ERBB4: variants seen among roughly 807,000 people sequenced by gnomAD.
The protein encoded by ERBB4 is erb-b2 receptor tyrosine kinase 4, also known as receptor tyrosine-protein kinase erbB-4.
In ERBB4, 42 loss-of-function variants were observed where a neutral mutation model predicts 158.0. The observed-to-expected ratio is 0.27, with a 90% CI of 0.21 to 0.34. The LOEUF is 0.34. Ranked by LOEUF, ERBB4 falls within the 10% of genes least tolerant of loss-of-function variation. ERBB4 has a pLI of 1.00. For missense variants in ERBB4, 1,333 were observed against 1,624.1 expected (o/e 0.82, Z 3.08); for synonymous variants, 583 against 558.7 (o/e 1.04, Z -0.61).
intron 2 of ERBB4, among the ~76,000 whole-genome samples, chr2:212,062,111 G>C (rs1345881972): frequency 6.6e-6 from 1 of 152,100 alleles, no homozygotes; most frequent in Non-Finnish European, 1.5e-5. Flanking sequence ...TATTAGATAT[G>C]CTCATTGTGA....
chr2:212,467,491 G>A (rs982907314), intron 1 of ERBB4, among the ~76,000 whole-genome samples: 1 of 152,222 alleles, frequency 6.6e-6, no homozygotes, highest in African/African-American at 2.4e-5. Flanking sequence ...AGCTCAGGCT[G>A]TGACTTCAGA....
intron 6 of ERBB4, among the ~76,000 whole-genome samples, chr2:211,724,101 A>G (rs2074187708): frequency 6.6e-6 from 1 of 152,166 alleles, no homozygotes; most frequent in Admixed American, 6.5e-5. Flanking sequence ...CTTCCATCCT[A>G]CGTCTGATGA....
chr2:211,659,619 C>T (rs948407044), intron 15 of ERBB4, among the ~76,000 whole-genome samples: 1 of 151,808 alleles, frequency 6.6e-6, no homozygotes, highest in African/African-American at 2.4e-5. Flanking sequence ...TTTATAACAA[C>T]CCTTGAAAGA....
chr2:211,585,580 TTTA>T (rs1338100701), intron 19 of ERBB4, among the ~76,000 whole-genome samples: 18 of 152,220 alleles, frequency 1.2e-4, no homozygotes, highest in African/African-American at 4.3e-4. Flanking sequence ...ATTAAATCAG[TTTA>T]TTAACTTCAA....
At chr2:211,936,276 T>C (rs957629636) in intron 3 of ERBB4, among the ~76,000 whole-genome samples, 4 of 151,980 alleles carry the variant, frequency 2.6e-5, no homozygotes, top group Admixed American at 2.0e-4. Context: ...TATTTCATAG[T>C]AAATTGAAAA....
At chr2:211,449,625 A>G (rs541568098) in intron 20 of ERBB4, among the ~76,000 whole-genome samples, 22 of 152,336 alleles carry the variant, frequency 1.4e-4, no homozygotes, top group Admixed American at 5.2e-4. Context: ...ATTAATATGT[A>G]TCATGTATTA....
intron 2 of ERBB4, among the ~76,000 whole-genome samples, chr2:212,090,783 A>C (rs776019989): frequency 1.3e-5 from 2 of 152,186 alleles, no homozygotes; most frequent in African/African-American, 4.8e-5. Flanking sequence ...CAGCTAACTG[A>C]TGATTAAAAC....
At chr2:211,394,976 A>C (rs73985423) in intron 25 of ERBB4, among the ~76,000 whole-genome samples, 1,900 of 152,222 alleles carry the variant, frequency 0.012, 38 homozygotes, top group African/African-American at 0.044. Context: ...ATAGGGGTAT[A>C]GGACAAGTAA....
intron 2 of ERBB4, among the ~76,000 whole-genome samples, chr2:212,113,023 A>C (rs1475412315): frequency 6.6e-6 from 1 of 152,190 alleles, no homozygotes; most frequent in Non-Finnish European, 1.5e-5. Flanking sequence ...AATGTGACAT[A>C]CGGTATAGTA....
chr2:211,569,055 C>T (rs1423898723), intron 19 of ERBB4, among the ~76,000 whole-genome samples: 1 of 152,128 alleles, frequency 6.6e-6, no homozygotes, highest in Non-Finnish European at 1.5e-5. Context: ...TGCTCAGTAG[C>T]CTTACCACTC....
intron 19 of ERBB4, among the ~76,000 whole-genome samples, chr2:211,571,038 C>CCTCTTTTT (rs1437512949): frequency 1.7e-5 from 1 of 58,736 alleles, no homozygotes; most frequent in Admixed American, 2.7e-4. Flanking sequence ...GAGTACTCTT[C>CCTCTTTTT]TTCTTTTTTT....
intron 1 of ERBB4, among the ~76,000 whole-genome samples, chr2:212,379,666 C>T (rs1265101453): frequency 1.3e-5 from 2 of 151,260 alleles, no homozygotes; most frequent in Admixed American, 1.3e-4. Flanking sequence ...AAAAAGAAAT[C>T]AAGTGGAAAT....
chr2:212,179,607 C>T (rs1488384050), intron 1 of ERBB4, among the ~76,000 whole-genome samples: 1 of 151,352 alleles, frequency 6.6e-6, no homozygotes, highest in Non-Finnish European at 1.5e-5. Context: ...TGCATTTGTG[C>T]CCAGATTAAC....
intron 1 of ERBB4, among the ~76,000 whole-genome samples, chr2:212,357,771 C>G (rs765617174): frequency 6.6e-6 from 1 of 151,786 alleles, no homozygotes; most frequent in South Asian, 2.1e-4. Flanking sequence ...TTCAGCCCCA[C>G]GGTCACTTGG....
At chr2:212,104,256 C>T (rs915079339) in intron 2 of ERBB4, among the ~76,000 whole-genome samples, 1 of 152,042 alleles carries the variant, frequency 6.6e-6, no homozygotes, top group African/African-American at 2.4e-5. Flanking sequence ...AGAACTGTTT[C>T]TATTCATCTT....
In ERBB4 at chr2:211,654,909, G is replaced by A. The variant is rs35237883; in HGVS notation, c.1946+2845C>T. Among the ~76,000 whole-genome samples, 1,057 of 152,258 alleles carry A rather than the reference G, an allele frequency of 6.9e-3. 3 individuals are homozygous for A. Among genetic ancestry groups the A allele is most frequent in the Non-Finnish European group, 0.012 (820 of 68,016 alleles). On this transcript the variant is annotated intron_variant, in intron 16 of 27. Transcript: ENST00000342788. ...TTATGATAAGGCTAATCTGAATTAG[G>A]TGTTTTAGTCTGAGATTACTGGAAT... is the stretch of plus-strand genomic sequence containing the variant.
chr2:211,498,757 A>C (rs2065539935), intron 20 of ERBB4, among the ~76,000 whole-genome samples: 2 of 152,174 alleles, frequency 1.3e-5, no homozygotes, highest in Admixed American at 6.5e-5. Context: ...ACAATTGACA[A>C]AGAGGCCATA....
intron 2 of ERBB4, among the ~76,000 whole-genome samples, chr2:212,121,525 T>C (rs1317196332): frequency 2.0e-5 from 3 of 152,206 alleles, no homozygotes; most frequent in Non-Finnish European, 4.4e-5. Flanking sequence ...ATTCTGTTCT[T>C]GAACCACTCC....
intron 1 of ERBB4, among the ~76,000 whole-genome samples, chr2:212,175,878 CCA>C (rs1407878941): frequency 2.0e-5 from 3 of 151,752 alleles, no homozygotes; most frequent in Non-Finnish European, 4.4e-5. Flanking sequence ...ATGCTGAACC[CCA>C]GAGAAGTAAA....
Sources: allele counts gnomAD v4.1 joint callset (sites outside exome capture counted in the v4.1 genomes callset), GRCh38; gene constraint gnomAD v4.1.1; transcripts MANE v1.5; gene names NCBI Gene and HGNC (gene_info 2026-07-23, HGNC 2026-07-21).